Variants in INSR observed in about 807,000 individuals in gnomAD.
INSR encodes the protein IR.
A neutral mutation model predicts 142.6 loss-of-function variants in INSR; 67 were observed. The ratio of observed to expected loss-of-function variants is 0.47; its 90% CI spans 0.39 to 0.58. The LOEUF (loss-of-function observed/expected upper bound fraction) is 0.58, where lower values mean the gene tolerates loss of function less well. INSR is among the 20% of genes least tolerant of loss of function. The pLI is 0.00. For missense variants in INSR, 1,248 were observed against 1,833.2 expected, an observed-to-expected ratio of 0.68 and a Z score of 5.83; for synonymous variants, 756 against 743.1, an observed-to-expected ratio of 1.02 and a Z score of -0.28.
chr19:7,242,812 G>A (rs1175697496), intron 2 of INSR, among the ~76,000 whole-genome samples: 2 of 148,552 alleles, frequency 1.3e-5, no homozygotes, highest in Non-Finnish European at 3.0e-5. Context: ...TTTGCATGTT[G>A]TGTACCACAG....
At chr19:7,283,808 T>TG (rs1267326306) in intron 1 of INSR, among the ~76,000 whole-genome samples, 1 of 152,172 alleles carries the variant, frequency 6.6e-6, no homozygotes, top group Non-Finnish European at 1.5e-5. Context: ...CCCTGAATGT[T>TG]GAACTAGTGA....
intron 2 of INSR, among the ~76,000 whole-genome samples, chr19:7,201,953 G>T (rs1053839761): frequency 6.6e-6 from 1 of 152,048 alleles, no homozygotes; most frequent in Non-Finnish European, 1.5e-5. Context: ...GAGCCACCGC[G>T]CTAGGCCTTC....
intron 2 of INSR, among the ~76,000 whole-genome samples, chr19:7,237,182 A>G (rs1303828211): frequency 6.6e-6 from 1 of 152,022 alleles, no homozygotes; most frequent in Non-Finnish European, 1.5e-5. Flanking sequence ...TAATTTACTC[A>G]TATAACCAAA....
At chr19:7,204,883 C>T (rs1975065391) in intron 2 of INSR, among the ~76,000 whole-genome samples, 1 of 152,124 alleles carries the variant, frequency 6.6e-6, no homozygotes, top group Non-Finnish European at 1.5e-5. Flanking sequence ...GAACTCGAGA[C>T]CAGCCTGGCC....
intron 2 of INSR, among the ~76,000 whole-genome samples, chr19:7,198,357 A>C (rs1436426902): frequency 6.6e-6 from 1 of 151,998 alleles, no homozygotes; most frequent in African/African-American, 2.4e-5. Flanking sequence ...GCGCCCTGGG[A>C]GGGCCCCTCG....
At position 7,252,604 on chromosome 19, in the gene INSR, G is replaced by A. The variant is rs146583213; in HGVS notation, c.652+14741C>T. On this transcript the variant is annotated intron_variant, in intron 2 of 21. Transcript: ENST00000302850. Reference sequence around the variant, plus strand: ...AACAACGCCGTGCTTCGCACACCGCGTGTGGACATGACTAGCTGCCAGCGC... The same window carrying A: ...AACAACGCCGTGCTTCGCACACCGCATGTGGACATGACTAGCTGCCAGCGC... Among the ~76,000 whole-genome samples, 111 of 152,260 alleles carry A rather than the reference G, an allele frequency of 7.3e-4. 2 individuals carry two copies. Among genetic ancestry groups the A allele is most frequent in the African/African-American group, 2.5e-3 (104 of 41,528 alleles).
intron 3 of INSR, among the ~76,000 whole-genome samples, chr19:7,179,623 T>C (rs977566634): frequency 1.3e-5 from 2 of 152,246 alleles, no homozygotes; most frequent in South Asian, 2.1e-4. Context: ...TATTGGAATA[T>C]GGCCACATTT....
chr19:7,219,483 GGGAAGGAAGGAA>G (rs1390362506), intron 2 of INSR, among the ~76,000 whole-genome samples: 16 of 142,658 alleles, frequency 1.1e-4, no homozygotes, highest in African/African-American at 2.1e-4. Flanking sequence ...AAGGGAGGGA[GGGAAGGAAGGAA>G]GGAGGGAGGG....
intron 2 of INSR, 43 bp from the exon 3 acceptor site, chr19:7,184,680 A>C (rs1412848115): frequency 9.2e-7 from 1 of 1,087,348 alleles, no homozygotes; most frequent in African/African-American, 1.6e-5. Context: ...ATAAATAAAT[A>C]AATAAATAAA....
rs1040321803 is a variant in INSR at position 7,116,852 on chromosome 19, A to C, written c.*204T>G. On this transcript the variant is annotated 3_prime_UTR_variant, in exon 22 of 22. Coordinates refer to ENST00000302850, the MANE Select transcript of INSR (RefSeq NM_000208.4). Reference sequence around the variant, plus strand: ...CAACTGTGGAAACCCCTTGCCCTCCAGGTTCACAGTTAAATCCTCTGCAGG... The same window carrying C: ...CAACTGTGGAAACCCCTTGCCCTCCCGGTTCACAGTTAAATCCTCTGCAGG... 5.3e-6 allele frequency: 3 copies of C among 568,304 alleles called. No homozygotes were observed. In the African/African-American group the frequency reaches 5.6e-5, roughly 11 times the overall value. 35.2% of individuals were successfully genotyped at this position (568,304 alleles called of 1,614,324 possible).
At chr19:7,223,186 G>A (rs995035904) in intron 2 of INSR, among the ~76,000 whole-genome samples, 2 of 151,894 alleles carry the variant, frequency 1.3e-5, no homozygotes, top group Non-Finnish European at 2.9e-5. Flanking sequence ...CTGTCTCAAA[G>A]ACAAACAAAC....
chr19:7,252,691 T>C (rs1976763915), intron 2 of INSR, among the ~76,000 whole-genome samples: 1 of 152,172 alleles, frequency 6.6e-6, no homozygotes, highest in Admixed American at 6.5e-5. Context: ...GGTAAGCCCT[T>C]GGAAACACTC....
chr19:7,129,098 A>G, intron 14 of INSR, 144 bp from the exon 15 acceptor site: 1 of 660,620 alleles, frequency 1.5e-6, no homozygotes. Flanking sequence ...GCTCTTCCAC[A>G]TCCTGATTTT....
intron 2 of INSR, among the ~76,000 whole-genome samples, chr19:7,262,148 T>A (rs1186599559): frequency 6.6e-6 from 1 of 152,178 alleles, no homozygotes; most frequent in Non-Finnish European, 1.5e-5. Flanking sequence ...CAATCTATTC[T>A]GTATTCAAAA....
In INSR at chr19:7,184,375, G is replaced by T. The variant is rs776268465; in HGVS notation, c.915C>A (p.Val305=). The T allele has an allele frequency of 4.3e-6, 7 of 1,613,950 alleles. 1 individual carries two copies. The South Asian group carries it at 7.7e-5, about 18-fold the overall frequency. ...NSRRQGCHQY[V]IHNNKCIPEC... is the part of the protein sequence containing the mutation. The stretch of plus-strand genomic sequence containing the variant: ...CAGGGATGCACTTGTTGTTGTGAAT[G>T]ACGTACTGGTGGCAGCCCTGCCTCC... Residue 305 remains valine, a synonymous_variant, in exon 3 of 22, where the codon GTC becomes GTA. Transcript: ENST00000302850.
In INSR at chr19:7,250,426, GAAGAAAGAAGAA is replaced by G. The variant is rs920275026; in HGVS notation, c.652+16907_652+16918del. Among the ~76,000 whole-genome samples, 91 of 119,360 alleles carry G rather than the reference GAAGAAAGAAGAA, an allele frequency of 7.6e-4. 1 individual carries two copies. The highest frequency in any genetic ancestry group is 2.5e-3 in the African/African-American group (81 of 32,544). 78.3% of individuals were successfully genotyped at this position (119,360 alleles called of 152,430 possible). On this transcript the variant is annotated intron_variant, in intron 2 of 21. Coordinates refer to ENST00000302850, the MANE Select transcript of INSR (RefSeq NM_000208.4). ...AGGTAAGAAATAAAAAGAAAGCAAG[GAAGAAAGAAGAA>G]AAGAAAGAAGAAAGAAAAGGAAGAA...
In INSR at chr19:7,236,642, T is replaced by C. The variant is rs555302844; in HGVS notation, c.652+30703A>G. On this transcript the variant is annotated intron_variant, in intron 2 of 21. Coordinates refer to ENST00000302850, the MANE Select transcript of INSR (RefSeq NM_000208.4). The stretch of plus-strand genomic sequence containing the variant: ...TTTATAAATTACTTAGTCTCACTCT[T>C]ATCCTAAGTGAAGTAAATCAGGAAT... Among the ~76,000 whole-genome samples, 445 of 152,306 alleles carry C rather than the reference T, an allele frequency of 2.9e-3. 2 individuals carry two copies. Among genetic ancestry groups the C allele is most frequent in the African/African-American group, 0.01 (426 of 41,572 alleles).
At position 7,144,945 on chromosome 19, in the gene INSR, G is replaced by GT. The variant is rs879682474; in HGVS notation, c.2268-1856dup. ...TCTCAGCAACCCCTAAGCCTTAATAGTTTTTTTTTTTCTTTCTATGTTTGT... is the reference window on the plus strand; with the variant it reads ...TCTCAGCAACCCCTAAGCCTTAATAGTTTTTTTTTTTTCTTTCTATGTTTGT... On this transcript the variant is annotated intron_variant, in intron 11 of 21. Transcript: ENST00000302850. 4.0e-3 allele frequency among the ~76,000 whole-genome samples: 590 copies of GT among 147,252 alleles called. 1 individual carries two copies. The highest frequency in any genetic ancestry group is 6.6e-3 in the Non-Finnish European group (441 of 66,430).
chr19:7,141,629 G>A (rs371230574), intron 13 of INSR, 48 bp downstream of exon 13: 9 of 1,612,068 alleles, frequency 5.6e-6, no homozygotes, highest in Non-Finnish European at 7.6e-6. Flanking sequence ...AACTCTGAAG[G>A]GGCATGCTGA....
Sources: allele counts gnomAD v4.1 joint callset (sites outside exome capture counted in the v4.1 genomes callset), GRCh38; gene constraint gnomAD v4.1.1; transcripts MANE v1.5; gene names NCBI Gene and HGNC (gene_info 2026-07-23, HGNC 2026-07-21).